Variants in KLKB1 observed in about 807,000 individuals in gnomAD.
KLKB1 encodes plasma kallikrein.
Under a neutral mutation model 73.6 loss-of-function variants are expected in KLKB1, and 58 were observed. The ratio of observed to expected loss-of-function variants is 0.79; its 90% CI spans 0.64 to 0.98. The LOEUF is 0.98. KLKB1 is among the 50% of genes least tolerant of loss of function. The pLI is 0.00. For missense variants in KLKB1, 737 were observed against 763.8 expected, an observed-to-expected ratio of 0.96 and a Z score of 0.41; for synonymous variants, 280 against 258.1, an observed-to-expected ratio of 1.08 and a Z score of -0.81.
At chr4:186,232,950 T>G (rs764044014) in intron 3 of KLKB1, among the ~76,000 whole-genome samples, 1 of 152,218 alleles carries the variant, frequency 6.6e-6, no homozygotes, top group Non-Finnish European at 1.5e-5. Context: ...AGTCTCGCTT[T>G]GTAGCCCAGG....
chr4:186,240,168 G>A lies in KLKB1; in HGVS notation c.598+1803G>A, dbSNP rs372119415. Among the ~76,000 whole-genome samples, 123 of 151,946 alleles carry A rather than the reference G, an allele frequency of 8.1e-4. 1 individual carries two copies. The highest frequency in any genetic ancestry group is 1.7e-3 in the Admixed American group (26 of 15,270). On this transcript the variant is annotated intron_variant, in intron 6 of 14. Transcript: ENST00000264690. Reference sequence around the variant, plus strand: ...GGACAGTGATATTCTTATAGTTACCGTGGTATAGTTATAGTTAAAGGTACA... The same window carrying A: ...GGACAGTGATATTCTTATAGTTACCATGGTATAGTTATAGTTAAAGGTACA...
intron 2 of KLKB1, among the ~76,000 whole-genome samples, chr4:186,216,313 A>G (rs934657032): frequency 6.6e-6 from 1 of 152,234 alleles, no homozygotes; most frequent in Admixed American, 6.5e-5. Flanking sequence ...GGGGAAAGAC[A>G]GCAAGCAAGC....
intron 6 of KLKB1, among the ~76,000 whole-genome samples, chr4:186,242,976 T>G (rs993711272): frequency 4.0e-5 from 6 of 148,294 alleles, no homozygotes; most frequent in African/African-American, 1.2e-4. Flanking sequence ...GAATTATGTC[T>G]GACAGAAGGG....
At chr4:186,224,922 T>A (rs1163644653), upstream of KLKB1, among the ~76,000 whole-genome samples, 1 of 152,158 alleles carries the variant, frequency 6.6e-6, no homozygotes, top group Non-Finnish European at 1.5e-5. Context: ...GAGAGGTGAT[T>A]GGATCATGGA....
rs1450638219 is a variant in KLKB1, at chr4:186,251,627, C to T, written c.1009C>T (p.Pro337Ser). The change falls in exon 9 of 15, where the codon CCA becomes TCA. Residue 337 changes from proline (P) to serine (S), a missense_variant. Pro to Ser is a moderately conservative substitution (Grantham distance 74). Coordinates refer to ENST00000264690, the MANE Select transcript of KLKB1 (RefSeq NM_000892.5). ...RCQFFTYSLL[P>S]EDCKEEKCKC... ...TCAGTTTTTCACTTATTCTTTACTC[C>T]CAGAAGACTGTAAGGAAGAGAAGTA... The T allele has an allele frequency of 1.2e-6, 2 of 1,614,018 alleles. No individual in the cohort carries two copies. Among genetic ancestry groups the T allele is most frequent in the Non-Finnish European group, 8.5e-7 (1 of 1,179,986 alleles).
At chr4:186,212,206 A>G (rs1318796504) in intron 2 of KLKB1, 1 of 152,200 alleles carries the variant, frequency 6.6e-6, no homozygotes, top group Non-Finnish European at 1.5e-5. Context: ...CTATAGCTTT[A>G]TGGAACTCAG....
intron 4 of KLKB1, among the ~76,000 whole-genome samples, chr4:186,235,551 T>C (rs1283629076): frequency 6.6e-6 from 1 of 152,128 alleles, no homozygotes; most frequent in Non-Finnish European, 1.5e-5. Flanking sequence ...ATTCCTGTGT[T>C]TAAGAACCAC....
intron 2 of KLKB1, among the ~76,000 whole-genome samples, chr4:186,215,714 C>T (rs1736884919): frequency 6.6e-6 from 1 of 152,170 alleles, no homozygotes; most frequent in South Asian, 2.1e-4. Flanking sequence ...GCTAGGACTA[C>T]AGGTGCATGC....
At chr4:186,251,060 A>AT (rs1254621654) in intron 7 of KLKB1, 159 bp from the exon 8 acceptor site, 7 of 615,946 alleles carry the variant, frequency 1.1e-5, no homozygotes, top group South Asian at 2.0e-5. Context: ...AATCTCTGCA[A>AT]TTTATTAGAG....
chr4:186,233,922 A>G, intron 3 of KLKB1, 30 bp from the exon 4 acceptor site: 1 of 1,452,394 alleles, frequency 6.9e-7, no homozygotes, highest in Non-Finnish European at 9.7e-7. Flanking sequence ...TTATTATTCT[A>G]CTTCCTAAGT....
intron 6 of KLKB1, among the ~76,000 whole-genome samples, chr4:186,246,771 G>A (rs1446802771): frequency 6.6e-6 from 1 of 152,148 alleles, no homozygotes. Flanking sequence ...GCCACTAAGG[G>A]TGAAGGATCA....
At chr4:186,225,945 C>T (rs1287242252), upstream of KLKB1, among the ~76,000 whole-genome samples, 1 of 151,920 alleles carries the variant, frequency 6.6e-6, no homozygotes, top group African/African-American at 2.4e-5. Flanking sequence ...CAGCTTTCTG[C>T]AATTTTTATC....
intron 2 of KLKB1, chr4:186,210,875 C>T: frequency 2.1e-6 from 1 of 465,366 alleles, no homozygotes; most frequent in South Asian, 2.2e-5. Flanking sequence ...ACTCTGTCGC[C>T]CAGGCTGGAG....
chr4:186,240,752 T>C (rs1737992599), intron 6 of KLKB1, among the ~76,000 whole-genome samples: 1 of 152,174 alleles, frequency 6.6e-6, no homozygotes, highest in Non-Finnish European at 1.5e-5. Context: ...CTCCATGGTG[T>C]GTGCCAGGTT....
upstream of KLKB1, among the ~76,000 whole-genome samples, chr4:186,223,360 A>G (rs1165543154): frequency 6.6e-6 from 1 of 152,240 alleles, no homozygotes; most frequent in Non-Finnish European, 1.5e-5. Flanking sequence ...AGATAGGAAG[A>G]TGTGGGAAAG....
rs551164469 is a variant in KLKB1, at chr4:186,257,278, A to G, written c.1638A>G (p.Glu546=). The change falls in exon 14 of 15, where the codon GAA becomes GAG. Residue 546 remains glutamate, a synonymous_variant. Coordinates refer to ENST00000264690, the MANE Select transcript of KLKB1 (RefSeq NM_000892.5). ...QKVNIPLVTN[E]ECQKRYQDYK... is the part of the protein sequence containing the mutation. ...TAAATATTCCTTTGGTAACAAATGA[A>G]GAATGCCAGAAAAGATATCAAGATT... 6.2e-7 allele frequency: 1 copy of G among 1,602,424 alleles called. No homozygotes were observed. The highest frequency in any genetic ancestry group is 1.1e-5 in the South Asian group (1 of 89,382).
At chr4:186,228,161 A>T (rs374885523) in intron 1 of KLKB1, 34 bp from the exon 2 acceptor site, 34 of 1,227,710 alleles carry the variant, frequency 2.8e-5, no homozygotes, top group African/African-American at 4.5e-5. Context: ...TGTGGTCTAA[A>T]ACCAGCAGAG....
At chr4:186,252,243 C>G (rs1049559177) in intron 11 of KLKB1, 58 bp downstream of exon 11, 2 of 1,526,460 alleles carry the variant, frequency 1.3e-6, no homozygotes, top group Non-Finnish European at 1.8e-6. Flanking sequence ...TTTGAAGGAT[C>G]TATGATCAGC....
intron 12 of KLKB1, among the ~76,000 whole-genome samples, chr4:186,255,000 G>A (rs1320656494): frequency 1.3e-5 from 2 of 152,210 alleles, no homozygotes; most frequent in African/African-American, 4.8e-5. Context: ...CTGCATGCAG[G>A]TGATGGAAAT....
Sources: gnomAD v4.1 joint callset for allele counts (sites outside exome capture counted in the v4.1 genomes callset) on GRCh38, gnomAD v4.1.1 for gene constraint, MANE v1.5 for transcripts, NCBI Gene and HGNC (gene_info 2026-07-23, HGNC 2026-07-21) for gene names.